The following RASGRP4 variants were observed in gnomAD, a reference collection of about 807,000 sequenced individuals.
The protein encoded by RASGRP4 is RAS guanyl releasing protein 4, also known as RAS guanyl-releasing protein 4.
Under a neutral mutation model 84.4 loss-of-function variants are expected in RASGRP4, and 52 were observed. The observed-to-expected ratio is 0.62, with a 90% CI of 0.49 to 0.78. The LOEUF (loss-of-function observed/expected upper bound fraction) is 0.78, where lower values mean the gene tolerates loss of function less well. Among genes scored for constraint, RASGRP4 ranks in the 30% least tolerant of loss-of-function variants. The pLI, the probability that RASGRP4 is intolerant of heterozygous loss-of-function variation, is 0.00. For synonymous variants in RASGRP4, 356 were observed against 359.1 expected (o/e 0.99, Z 0.10); for missense variants, 760 against 886.9 (o/e 0.86, Z 1.82).
At chr19:38,421,582 T>C (rs750625406) in intron 2 of RASGRP4, among the ~76,000 whole-genome samples, 6 of 151,886 alleles carry the variant, frequency 4.0e-5, no homozygotes, top group Non-Finnish European at 7.4e-5. Context: ...CCTGGTGGCA[T>C]GTGCCTGTAA....
At chr19:38,411,934 G>A (rs989087113) in intron 13 of RASGRP4, among the ~76,000 whole-genome samples, 1 of 152,154 alleles carries the variant, frequency 6.6e-6, no homozygotes, top group Admixed American at 6.5e-5. Flanking sequence ...AATTAGTCTC[G>A]GGTTATAGGT....
chr19:38,414,715 C>A (rs1164818163), intron 9 of RASGRP4, 133 bp downstream of exon 9: 3 of 923,698 alleles, frequency 3.2e-6, no homozygotes, highest in African/African-American at 3.3e-5. Context: ...TAGAAAAAAA[C>A]CTAGAAGTTC....
rs184750976 is a variant in RASGRP4, at chr19:38,423,812, G to A, written c.24-1659C>T. ...AGATCGTGCCACTGCACTCCAGCCTGGGCAACAGAGCGAGTCTTAGTCTCA... is the reference window on the plus strand; with the variant it reads ...AGATCGTGCCACTGCACTCCAGCCTAGGCAACAGAGCGAGTCTTAGTCTCA... On this transcript the variant is annotated intron_variant, in intron 1 of 16. Transcript: ENST00000615439. 2.8e-3 allele frequency among the ~76,000 whole-genome samples: 422 copies of A among 152,134 alleles called. 3 individuals are homozygous for A. The highest frequency in any genetic ancestry group is 0.01 in the African/African-American group (418 of 41,492).
intron 1 of RASGRP4, among the ~76,000 whole-genome samples, chr19:38,422,761 C>T (rs549868901): frequency 3.3e-5 from 5 of 151,834 alleles, no homozygotes; most frequent in Admixed American, 6.6e-5. Context: ...TGGTGAGCTG[C>T]GTAACTATTT....
intron 14 of RASGRP4, 30 bp downstream of exon 14, chr19:38,411,315 T>G: frequency 1.2e-6 from 2 of 1,609,900 alleles, no homozygotes; most frequent in Admixed American, 1.7e-5. Context: ...GGGCCAAGGC[T>G]TCCCTCCCAC....
rs1010403125 is a variant in RASGRP4 at position 38,412,794 on chromosome 19, C to A, written c.1558G>T (p.Glu520Ter). 1 of 1,607,132 alleles carries A rather than the reference C, an allele frequency of 6.2e-7. No homozygotes were observed. The highest frequency in any genetic ancestry group is 8.5e-7 in the Non-Finnish European group (1 of 1,176,824). Residue 520 changes from glutamate to a stop codon, truncating the protein, a stop_gained, in exon 13 of 17, where the codon GAG (glutamate) becomes TAG (stop). Transcript: ENST00000615439. LOFTEE classifies it high-confidence loss of function. This position sits in a 1 kb window ranked among gnomAD's most constrained non-coding sequence, Gnocchi z 4.6. Reference protein sequence around the residue: ...RQGRGSFSREELTGYLLRASA... With the variant: ...RQGRGSFSRE The stretch of plus-strand genomic sequence containing the variant: ...GCCCGGAGCAGGTACCCTGTCAGCT[C>A]CTCTCTGCTGAAGGATCCTCTCCTG...
At position 38,413,574 on chromosome 19, in the gene RASGRP4, A is replaced by G; in HGVS notation, c.1231-100T>C. 1 of 981,166 alleles carries G rather than the reference A, an allele frequency of 1.0e-6. No individual in the cohort carries two copies. The allele number at this position is 981,166 out of a possible 1,614,324, so 60.8% of individuals were successfully genotyped here. A position where few individuals can be genotyped will look rare whatever the true frequency, so the allele number is the denominator to read the frequency against. On this transcript the variant is annotated intron_variant, in intron 9 of 16. Coordinates refer to ENST00000615439, the MANE Select transcript of RASGRP4 (RefSeq NM_170604.3). The surrounding 1 kb of genome is among the most constrained non-coding windows in gnomAD (Gnocchi z 4.7). ...CTTCCCAAAGCCCCTCCTGGGTTCA[A>G]ATCCTGGCATTACTGCTGTGGGACA...
rs559653954 is a variant in RASGRP4 at position 38,417,694 on chromosome 19, T to G, written c.838-526A>C. 1.2e-4 allele frequency among the ~76,000 whole-genome samples: 18 copies of G among 152,152 alleles called. No individual in the cohort carries two copies. Among genetic ancestry groups the G allele is most frequent in the Admixed American group, 1.2e-3 (18 of 15,288 alleles). The stretch of plus-strand genomic sequence containing the variant: ...GCTGGGGAATTCCCTTGCCCTCCTT[T>G]TGACAAATTTCGGCAGAGGTTGCTG... On this transcript the variant is annotated intron_variant, in intron 7 of 16. Coordinates refer to ENST00000615439, the MANE Select transcript of RASGRP4 (RefSeq NM_170604.3). The surrounding 1 kb of genome is among the most constrained non-coding windows in gnomAD (Gnocchi z 5.1).
At chr19:38,419,348 C>T (rs189542375) in intron 6 of RASGRP4, among the ~76,000 whole-genome samples, 2 of 152,328 alleles carry the variant, frequency 1.3e-5, no homozygotes, top group Non-Finnish European at 2.9e-5. Flanking sequence ...AATTTAAATG[C>T]TTGTTGAATA....
rs148574111 is a variant in RASGRP4, at chr19:38,411,008, G to C, written c.1853-10C>G. The stretch of plus-strand genomic sequence containing the variant: ...TGATTTTCCTCGGAGCCTGTTTGTG[G>C]GTGGATGGAAGGGATGTGGGTCTGA... On this transcript the variant is annotated splice_polypyrimidine_tract_variant and intron_variant, in intron 15 of 16. Coordinates refer to ENST00000615439, the MANE Select transcript of RASGRP4 (RefSeq NM_170604.3). 24 of 1,606,830 alleles carry C rather than the reference G, an allele frequency of 1.5e-5. 1 individual carries two copies. In the East Asian group the frequency reaches 3.1e-4, roughly 21 times the overall value.
chr19:38,420,044 T>G (rs943741586), intron 5 of RASGRP4, 31 bp from the exon 6 acceptor site: 4 of 1,609,590 alleles, frequency 2.5e-6, no homozygotes, highest in African/African-American at 1.3e-5. Flanking sequence ...GGTATTGGAG[T>G]GGCTCACAGT....
rs1971378324 is a variant in RASGRP4, at chr19:38,413,794, G to C, written c.1231-320C>G. Among the ~76,000 whole-genome samples the C allele has an allele frequency of 6.6e-6, 1 of 152,154 alleles. No individual in the cohort carries two copies. The highest frequency in any genetic ancestry group is 6.5e-5 in the Admixed American group (1 of 15,276). On this transcript the variant is annotated intron_variant, in intron 9 of 16. Transcript: ENST00000615439. The surrounding 1 kb of genome is among the most constrained non-coding windows in gnomAD (Gnocchi z 4.7). ...TTGAGATTTTGGGCTATCAGCATGA[G>C]AAGCTCAGAACCTTGGAGTTTAAGA...
chr19:38,410,114 G>A lies in RASGRP4; in HGVS notation c.1966-18C>T, dbSNP rs1416795296. 14 of 1,606,008 alleles carry A rather than the reference G, an allele frequency of 8.7e-6. No individual in the cohort carries two copies. The highest frequency in any genetic ancestry group is 1.1e-5 in the Non-Finnish European group (13 of 1,174,548). ...CAGGGGACCTGGAAGGAGGAAGGGA[G>A]GAAGAAAGATGACAGATGATGTGGG... On this transcript the variant is annotated intron_variant, in intron 16 of 16. Coordinates refer to ENST00000615439, the MANE Select transcript of RASGRP4 (RefSeq NM_170604.3).
Position 38,412,538 on chromosome 19 carries a change from G to T in RASGRP4, c.1680+134C>A. The T allele has an allele frequency of 1.3e-6, 1 of 795,378 alleles. No homozygotes were observed. Among genetic ancestry groups the T allele is most frequent in the Non-Finnish European group, 2.0e-6 (1 of 511,246 alleles). 49.3% of individuals were successfully genotyped at this position (795,378 alleles called of 1,614,324 possible). A position where few individuals can be genotyped will look rare whatever the true frequency, so the allele number is the denominator to read the frequency against. On this transcript the variant is annotated intron_variant, in intron 13 of 16. Coordinates refer to ENST00000615439, the MANE Select transcript of RASGRP4 (RefSeq NM_170604.3). This position sits in a 1 kb window ranked among gnomAD's most constrained non-coding sequence, Gnocchi z 4.6. ...TTATCCAGGATATAGGGAATGTCTG[G>T]TGTTTAGGGTTTATATGAAACAGGA... is the stretch of plus-strand genomic sequence containing the variant.
Position 38,417,009 on chromosome 19 carries a change from A to G in RASGRP4, c.954+43T>C, listed in dbSNP as rs879884819. ...GGGGAATTAGGTGTGGGGGCTCAAG[A>G]CAGCTGACCACTTGGAGCTTTGGGG... is the stretch of plus-strand genomic sequence containing the variant. On this transcript the variant is annotated intron_variant, in intron 8 of 16. Coordinates refer to ENST00000615439, the MANE Select transcript of RASGRP4 (RefSeq NM_170604.3). This position sits in a 1 kb window ranked among gnomAD's most constrained non-coding sequence, Gnocchi z 5.1. 8.3e-7 allele frequency: 1 copy of G among 1,211,718 alleles called. No homozygotes were observed. 75.1% of individuals were successfully genotyped at this position (1,211,718 alleles called of 1,614,324 possible).
chr19:38,411,414 C>A, intron 13 of RASGRP4, 33 bp from the exon 14 acceptor site: 1 of 1,510,386 alleles, frequency 6.6e-7, no homozygotes, highest in South Asian at 1.3e-5. Context: ...GTTACCCATC[C>A]TAGGAGAGGG....
At chr19:38,411,403 G>A (rs756337945) in intron 13 of RASGRP4, 22 bp from the exon 14 acceptor site, 2 of 1,534,262 alleles carry the variant, frequency 1.3e-6, no homozygotes, top group East Asian at 4.9e-5. Context: ...AAGGAGAAAA[G>A]GTTACCCATC....
At chr19:38,421,903 G>A in intron 2 of RASGRP4, 66 bp downstream of exon 2, 2 of 1,423,952 alleles carry the variant, frequency 1.4e-6, no homozygotes. Flanking sequence ...AAAAACTGAG[G>A]TGGAGAGAAG....
chr19:38,415,095 G>A lies in RASGRP4; in HGVS notation c.983C>T (p.Ala328Val), dbSNP rs1206195058. 2.5e-6 allele frequency: 4 copies of A among 1,599,182 alleles called. No individual in the cohort carries two copies. The South Asian group carries it at 3.4e-5, about 13-fold the overall frequency. Residue 328 changes from alanine to valine, a missense_variant, in exon 9 of 17, where the codon GCC becomes GTC. Transcript: ENST00000615439. ...KALLELTELL[A>V]SHNNYARYRR... ...GTAGCGGGCGTAGTTGTTGTGGGAG[G>A]CAAGGAGCTCAGTGAGCTCCAGGAG... is the stretch of plus-strand genomic sequence containing the variant.
Sources: allele counts gnomAD v4.1 joint callset (sites outside exome capture counted in the v4.1 genomes callset), GRCh38; gene constraint gnomAD v4.1.1; non-coding constraint Gnocchi (gnomAD v3.1); transcripts MANE v1.5; gene names NCBI Gene and HGNC (gene_info 2026-07-23, HGNC 2026-07-21).